Variants in SPAG16 observed in about 807,000 individuals in gnomAD.
SPAG16 encodes the protein sperm-associated antigen 16 protein.
SPAG16 carries 86 observed loss-of-function variants against 80.4 expected under a neutral mutation model. That is an observed-to-expected ratio of 1.07 (90% CI 0.90 to 1.28). SPAG16 has a LOEUF of 1.28. SPAG16 is among the 50% of genes most tolerant of loss of function. The pLI is 0.00. For synonymous variants in SPAG16, 294 were observed against 265.9 expected, an observed-to-expected ratio of 1.11 and a Z score of -1.03; for missense variants, 870 against 765.3, an observed-to-expected ratio of 1.14 and a Z score of -1.61.
intron 13 of SPAG16, among the ~76,000 whole-genome samples, chr2:214,048,106 A>G (rs976467072): frequency 3.3e-5 from 5 of 152,174 alleles, no homozygotes; most frequent in Non-Finnish European, 7.4e-5. Flanking sequence ...ATGTAAATTA[A>G]TACAACCGCT....
At chr2:213,729,940 TC>T (rs766405476) in intron 10 of SPAG16, among the ~76,000 whole-genome samples, 6 of 152,222 alleles carry the variant, frequency 3.9e-5, no homozygotes, top group Admixed American at 6.5e-5. Flanking sequence ...GAGAGGATGC[TC>T]CTTTTGTAAA....
chr2:214,242,006 AAAG>A (rs1401240127), intron 15 of SPAG16, among the ~76,000 whole-genome samples: 3 of 152,224 alleles, frequency 2.0e-5, no homozygotes, highest in Non-Finnish European at 4.4e-5. Flanking sequence ...TCTTGCCTAG[AAAG>A]AAGAAGATAA....
chr2:213,432,010 A>G (rs1358115232), intron 9 of SPAG16, among the ~76,000 whole-genome samples: 1 of 152,160 alleles, frequency 6.6e-6, no homozygotes, highest in Non-Finnish European at 1.5e-5. Context: ...CTTTGAGTCA[A>G]TGATAAAATT....
chr2:213,612,163 T>G (rs2061458693), intron 10 of SPAG16, among the ~76,000 whole-genome samples: 1 of 152,222 alleles, frequency 6.6e-6, no homozygotes, highest in Non-Finnish European at 1.5e-5. Context: ...TATTTCCATA[T>G]GAAATGTTAT....
At chr2:213,614,870 C>T (rs1323481281) in intron 10 of SPAG16, among the ~76,000 whole-genome samples, 5 of 152,120 alleles carry the variant, frequency 3.3e-5, no homozygotes, top group Non-Finnish European at 4.4e-5. Flanking sequence ...TACAGGACTT[C>T]CTGGAAGTTC....
intron 15 of SPAG16, among the ~76,000 whole-genome samples, chr2:214,300,801 G>T (rs543316795): frequency 6.6e-6 from 1 of 151,660 alleles, no homozygotes; most frequent in Non-Finnish European, 1.5e-5. Context: ...GCCCAGGAGC[G>T]GATGGATTCA....
intron 10 of SPAG16, among the ~76,000 whole-genome samples, chr2:213,601,264 C>G (rs114725302): frequency 6.6e-6 from 1 of 152,110 alleles, no homozygotes; most frequent in East Asian, 1.9e-4. Flanking sequence ...TGAACTTTAA[C>G]CAGAAAAGGG....
intron 10 of SPAG16, among the ~76,000 whole-genome samples, chr2:213,624,203 A>T (rs1465399870): frequency 6.6e-6 from 1 of 151,278 alleles, no homozygotes; most frequent in Non-Finnish European, 1.5e-5. Flanking sequence ...TATTATGGTA[A>T]TTTTTTTCCT....
chr2:213,561,730 T>G (rs549681936), intron 10 of SPAG16, among the ~76,000 whole-genome samples: 98 of 152,308 alleles, frequency 6.4e-4, no homozygotes, highest in Non-Finnish European at 1.1e-3. Flanking sequence ...TAATGTTCTA[T>G]TTTTACAAGA....
intron 3 of SPAG16, among the ~76,000 whole-genome samples, chr2:213,297,580 G>GT (rs1347171512): frequency 6.9e-6 from 1 of 145,000 alleles, no homozygotes; most frequent in Non-Finnish European, 1.6e-5. Flanking sequence ...GCATGACTTT[G>GT]TATCAAGTGA....
intron 15 of SPAG16, among the ~76,000 whole-genome samples, chr2:214,273,143 GT>G (rs999145565): frequency 2.9e-4 from 44 of 152,182 alleles, no homozygotes; most frequent in Middle Eastern, 3.4e-3. Flanking sequence ...GGGGTTGTAT[GT>G]TTTTTTCTTG....
rs113893966 is a variant in SPAG16, at chr2:213,917,237, T to G, written c.1215-12723T>G. Among the ~76,000 whole-genome samples the G allele has an allele frequency of 3.3e-5, 5 of 152,338 alleles. 1 individual carries two copies. The highest frequency in any genetic ancestry group is 1.2e-4 in the African/African-American group (5 of 41,582). The stretch of plus-strand genomic sequence containing the variant: ...TGCCTCCAGCTTTGCTATTTTTTCT[T>G]AAGATTGCCTTAGCTATTTGGGCTC... On this transcript the variant is annotated intron_variant, in intron 11 of 15. Transcript: ENST00000331683.
At chr2:213,715,289 A>C (rs1029752992) in intron 10 of SPAG16, among the ~76,000 whole-genome samples, 1 of 134,288 alleles carries the variant, frequency 7.4e-6, no homozygotes, top group Non-Finnish European at 1.7e-5. Flanking sequence ...TCTAAGACAG[A>C]GTAAATTGGA....
intron 15 of SPAG16, among the ~76,000 whole-genome samples, chr2:214,362,530 G>A (rs369908872): frequency 6.6e-6 from 1 of 151,654 alleles, no homozygotes; most frequent in Non-Finnish European, 1.5e-5. Context: ...TTTTCTTAAT[G>A]CGGGGAATCC....
intron 15 of SPAG16, among the ~76,000 whole-genome samples, chr2:214,297,858 T>C (rs1340928405): frequency 6.6e-6 from 1 of 151,362 alleles, no homozygotes; most frequent in Non-Finnish European, 1.5e-5. Context: ...AATTTTAAGA[T>C]TGTTTTTTCA....
intron 11 of SPAG16, among the ~76,000 whole-genome samples, chr2:213,889,718 C>CAT (rs142706889): frequency 4.1e-5 from 6 of 147,164 alleles, no homozygotes; most frequent in Non-Finnish European, 7.5e-5. Context: ...TATACATATG[C>CAT]ATATATATAT....
intron 12 of SPAG16, among the ~76,000 whole-genome samples, chr2:214,000,211 G>A (rs2046727582): frequency 6.6e-6 from 1 of 152,118 alleles, no homozygotes; most frequent in Non-Finnish European, 1.5e-5. Flanking sequence ...GTTGTGGGTG[G>A]GACCCAGTGG....
chr2:213,330,915 CT>C lies in SPAG16; in HGVS notation c.537-9240del, dbSNP rs542531134. 2.6e-3 allele frequency among the ~76,000 whole-genome samples: 390 copies of C among 152,060 alleles called. 1 individual carries two copies. The highest frequency in any genetic ancestry group is 5.5e-3 in the African/African-American group (228 of 41,494). ...AGGGGAGTTTACCTGCACAAGCTCA[CT>C]TTTTTTTGCCTGCTGCCATCCATGT... On this transcript the variant is annotated intron_variant, in intron 5 of 15. Transcript: ENST00000331683.
At chr2:213,344,553 C>T (rs1023637836) in intron 6 of SPAG16, among the ~76,000 whole-genome samples, 1 of 152,062 alleles carries the variant, frequency 6.6e-6, no homozygotes, top group Non-Finnish European at 1.5e-5. Flanking sequence ...CAACAGGCCC[C>T]GGTATGTGAT....
Sources: gnomAD v4.1 joint callset for allele counts (sites outside exome capture counted in the v4.1 genomes callset) on GRCh38, gnomAD v4.1.1 for gene constraint, MANE v1.5 for transcripts, NCBI Gene and HGNC (gene_info 2026-07-23, HGNC 2026-07-21) for gene names.